The following ASB17 variants were observed in gnomAD, a reference collection of about 807,000 sequenced individuals.
The protein encoded by ASB17 is ankyrin repeat and SOCS box protein 17.
In ASB17, 26 loss-of-function variants were observed where a neutral mutation model predicts 25.7. That is an observed-to-expected ratio of 1.01 (90% CI 0.74 to 1.40). The LOEUF (loss-of-function observed/expected upper bound fraction) is 1.40. ASB17 is among the 40% of genes most tolerant of loss of function. ASB17 has a pLI of 0.00. For synonymous variants in ASB17, 128 were observed against 121.4 expected, an observed-to-expected ratio of 1.05 and a Z score of -0.36; for missense variants, 326 against 338.5, an observed-to-expected ratio of 0.96 and a Z score of 0.29.
At chr1:75,929,708 A>C (rs1298068387) in intron 1 of ASB17, among the ~76,000 whole-genome samples, 1 of 151,800 alleles carries the variant, frequency 6.6e-6, no homozygotes, top group Non-Finnish European at 1.5e-5. Context: ...AAGCTGAATG[A>C]CTCTTTAAGA....
intron 2 of ASB17, among the ~76,000 whole-genome samples, chr1:75,919,460 T>C (rs1571011030): frequency 6.6e-6 from 1 of 152,232 alleles, no homozygotes; most frequent in East Asian, 1.9e-4. Flanking sequence ...TATGTATACA[T>C]GTGCCATGCT....
At chr1:75,919,337 AG>A (rs1245117432) in intron 2 of ASB17, among the ~76,000 whole-genome samples, 179 bp from the exon 3 acceptor site, 1 of 152,006 alleles carries the variant, frequency 6.6e-6, no homozygotes, top group Admixed American at 6.6e-5. Flanking sequence ...TTTTTTCCAC[AG>A]GGATAAACTT....
At chr1:75,930,881 G>T (rs1203021382) in intron 1 of ASB17, among the ~76,000 whole-genome samples, 1 of 152,192 alleles carries the variant, frequency 6.6e-6, no homozygotes, top group Admixed American at 6.5e-5. Context: ...GATCTCTGCT[G>T]TAGTTACAAA....
intron 1 of ASB17, among the ~76,000 whole-genome samples, chr1:75,930,310 A>G (rs1329383478): frequency 6.8e-6 from 1 of 147,262 alleles, no homozygotes; most frequent in African/African-American, 2.5e-5. Context: ...TATATATAAC[A>G]TGTATATATA....
rs924530812 is a variant in ASB17 at position 75,919,493 on chromosome 1, G to A, written c.682-335C>T. 3.3e-5 allele frequency among the ~76,000 whole-genome samples: 5 copies of A among 151,790 alleles called. 1 individual carries two copies. The highest frequency in any genetic ancestry group is 9.7e-5 in the African/African-American group (4 of 41,338). Reference sequence around the variant, plus strand: ...GCTGGTGTGCTGCACCCATTAACTCGTCATTTAGCATTAGGTATATCTCCT... The same window carrying A: ...GCTGGTGTGCTGCACCCATTAACTCATCATTTAGCATTAGGTATATCTCCT... On this transcript the variant is annotated intron_variant, in intron 2 of 2. Coordinates refer to ENST00000284142, the MANE Select transcript of ASB17 (RefSeq NM_080868.3).
intron 1 of ASB17, among the ~76,000 whole-genome samples, chr1:75,925,554 G>A (rs1653148314): frequency 1.3e-5 from 2 of 152,064 alleles, no homozygotes; most frequent in Non-Finnish European, 2.9e-5. Flanking sequence ...TAAAGAGTAT[G>A]TTACTGTAAA....
intron 1 of ASB17, among the ~76,000 whole-genome samples, chr1:75,927,958 C>T (rs1364112589): frequency 6.6e-6 from 1 of 152,178 alleles, no homozygotes; most frequent in Non-Finnish European, 1.5e-5. Context: ...CTAGCTATTA[C>T]TAAACTGCTT....
rs142741766 is a variant in ASB17 at position 75,931,896 on chromosome 1, T to C, written c.396A>G (p.Ile132Met). 8.6e-5 allele frequency: 136 copies of C among 1,589,824 alleles called. No individual in the cohort carries two copies. Among genetic ancestry groups the C allele is most frequent in the Non-Finnish European group, 1.1e-4 (127 of 1,169,346 alleles). The change falls in exon 1 of 3, where the codon ATA becomes ATG. Residue 132 changes from isoleucine to methionine, a missense_variant. Transcript: ENST00000284142. ...VQDRSCNLALIWRTFTPVYCP... is the reference protein window; with the variant it reads ...VQDRSCNLALMWRTFTPVYCP... ...AAAACATATGAAATTATTACCTCCA[T>C]ATCAGTGCCAGGTTACAACTTCTGT...
intron 1 of ASB17, among the ~76,000 whole-genome samples, chr1:75,926,311 T>C (rs1653171062): frequency 6.6e-6 from 1 of 152,208 alleles, no homozygotes; most frequent in Admixed American, 6.5e-5. Flanking sequence ...GAAGTATGGA[T>C]ATGCTGTGGG....
Position 75,922,378 on chromosome 1 carries a change from A to C in ASB17, c.402-19T>G. On this transcript the variant is annotated intron_variant, in intron 1 of 2. Transcript: ENST00000284142. Reference sequence around the variant, plus strand: ...GAAAGTTCTGTGAATTAAACAAAACAAAAACTCATTGGATATAGAATTAAG... The same window carrying C: ...GAAAGTTCTGTGAATTAAACAAAACCAAAACTCATTGGATATAGAATTAAG... 1 of 1,529,162 alleles carries C rather than the reference A, an allele frequency of 6.5e-7. No homozygotes were observed. The highest frequency in any genetic ancestry group is 8.8e-7 in the Non-Finnish European group (1 of 1,139,524). 94.7% of individuals were successfully genotyped at this position (1,529,162 alleles called of 1,614,324 possible). A position where few individuals can be genotyped will look rare whatever the true frequency, so the allele number is the denominator to read the frequency against.
In ASB17 at chr1:75,928,897, C is replaced by A. The variant is rs537135599; in HGVS notation, c.401+2994G>T. Among the ~76,000 whole-genome samples the A allele has an allele frequency of 3.9e-5, 6 of 152,282 alleles. No individual in the cohort carries two copies. The East Asian group carries it at 9.7e-4, about 25-fold the overall frequency. ...AACAGTAAATAAACAGGTCAGTGATCAGCAGGTGCAGAGAATTAAAGTAAA... is the reference window on the plus strand; with the variant it reads ...AACAGTAAATAAACAGGTCAGTGATAAGCAGGTGCAGAGAATTAAAGTAAA... On this transcript the variant is annotated intron_variant, in intron 1 of 2. Transcript: ENST00000284142.
Position 75,932,201 on chromosome 1 carries a change from A to G in ASB17, c.91T>C (p.Ser31Pro). The G allele has an allele frequency of 1.2e-6, 2 of 1,614,058 alleles. No individual in the cohort carries two copies. The highest frequency in any genetic ancestry group is 1.7e-6 in the Non-Finnish European group (2 of 1,179,982). Residue 31 changes from serine to proline, a missense_variant, in exon 1 of 3, where the codon TCC becomes CCC. Physicochemically the swap from Ser to Pro is moderately conservative, Grantham distance 74. Transcript: ENST00000284142. The stretch of plus-strand genomic sequence containing the variant: ...CCCCACTGACCCAAAAACTGTAGGG[A>G]GGGTCTTTTAACAATTTTGTCAAGG... ...NLLDKIVKRP[S>P]LQFLGQWGYH...
chr1:75,922,036 T>C (rs892457560), intron 2 of ASB17, 44 bp downstream of exon 2: 2 of 1,475,696 alleles, frequency 1.4e-6, no homozygotes, highest in African/African-American at 2.8e-5. Context: ...AATCTTAAGA[T>C]TCACTAATAT....
chr1:75,921,224 A>G (rs1653020047), intron 2 of ASB17, among the ~76,000 whole-genome samples: 1 of 152,238 alleles, frequency 6.6e-6, no homozygotes, highest in South Asian at 2.1e-4. Flanking sequence ...ATTTGTTTTA[A>G]AAATGGGCTG....
rs780599537 is a variant in ASB17, at chr1:75,918,977, T to C, written c.863A>G (p.Gln288Arg). 5.6e-6 allele frequency: 9 copies of C among 1,612,426 alleles called. No individual in the cohort carries two copies. The African/African-American group carries it at 1.1e-4, about 19-fold the overall frequency. Reference sequence around the variant, plus strand: ...TTAGATTTCTAAATTCAGATAGTTTTGTAGACGAGCAGGAATTAGAAGTGA... The same window carrying C: ...TTAGATTTCTAAATTCAGATAGTTTCGTAGACGAGCAGGAATTAGAAGTGA... ...IFSLLIPARL[Q>R]NYLNLEI The change falls in exon 3 of 3, where the codon CAA (glutamine) becomes CGA (arginine). Residue 288 changes from glutamine to arginine, a missense_variant. Physicochemically the swap from Gln to Arg is conservative, Grantham distance 43 (BLOSUM62 1). Transcript: ENST00000284142.
intron 1 of ASB17, among the ~76,000 whole-genome samples, chr1:75,927,417 G>A (rs993819201): frequency 6.6e-6 from 1 of 152,084 alleles, no homozygotes; most frequent in African/African-American, 2.4e-5. Flanking sequence ...CACTTACCGT[G>A]TCTTGTAATT....
intron 1 of ASB17, among the ~76,000 whole-genome samples, chr1:75,924,029 G>A (rs1052060234): frequency 2.6e-5 from 4 of 151,896 alleles, no homozygotes; most frequent in Admixed American, 2.6e-4. Context: ...GCATGCTCAG[G>A]GTACTATAGA....
chr1:75,931,875 CAT>C lies in ASB17; in HGVS notation c.401+14_401+15del. On this transcript the variant is annotated intron_variant, in intron 1 of 2. Coordinates refer to ENST00000284142, the MANE Select transcript of ASB17 (RefSeq NM_080868.3). ...AAATTTTCTTGTTCTATAGTGAAAA[CAT>C]ATGAAATTATTACCTCCATATCAGT... 1.3e-6 allele frequency: 2 copies of C among 1,548,862 alleles called. No individual in the cohort carries two copies. Among genetic ancestry groups the C allele is most frequent in the Non-Finnish European group, 1.7e-6 (2 of 1,152,492 alleles).
intron 1 of ASB17, among the ~76,000 whole-genome samples, chr1:75,928,222 G>T (rs1653226053): frequency 6.6e-6 from 1 of 152,030 alleles, no homozygotes; most frequent in South Asian, 2.1e-4. Context: ...GGCTATAATT[G>T]CTGTTTAAAT....
Sources: gnomAD v4.1 joint callset for allele counts (sites outside exome capture counted in the v4.1 genomes callset) on GRCh38, gnomAD v4.1.1 for gene constraint, MANE v1.5 for transcripts, NCBI Gene and HGNC (gene_info 2026-07-23, HGNC 2026-07-21) for gene names.